The following RGS17 variants were observed in gnomAD, a reference collection of about 807,000 sequenced individuals.
RGS17 encodes regulator of G protein signaling 17.
A neutral mutation model predicts 25.5 loss-of-function variants in RGS17; 12 were observed. The observed-to-expected ratio is 0.47, with a 90% CI of 0.30 to 0.76. The LOEUF is 0.76. Ranked by LOEUF, RGS17 falls within the 30% of genes least tolerant of loss-of-function variation. The probability of loss-of-function intolerance (pLI) is 0.07; values close to 1 mark genes in which losing one functional copy is unlikely to be tolerated. For missense variants in RGS17, 196 were observed against 242.2 expected (o/e 0.81, Z 1.27); for synonymous variants, 71 against 76.9 (o/e 0.92, Z 0.40).
intron 1 of RGS17, among the ~76,000 whole-genome samples, chr6:153,098,705 T>C (rs1193144354): frequency 1.3e-5 from 2 of 152,170 alleles, no homozygotes; most frequent in Admixed American, 6.5e-5. Flanking sequence ...GGGTGGCAAC[T>C]CTGTTTTAAA....
intron 1 of RGS17, among the ~76,000 whole-genome samples, chr6:153,100,828 C>T (rs1490423953): frequency 6.6e-6 from 1 of 152,202 alleles, no homozygotes; most frequent in East Asian, 1.9e-4. Flanking sequence ...TTGTGCCAAT[C>T]TCCAAGTTTT....
chr6:153,110,204 A>G (rs1777446564), intron 1 of RGS17, among the ~76,000 whole-genome samples: 1 of 152,104 alleles, frequency 6.6e-6, no homozygotes, highest in African/African-American at 2.4e-5. Context: ...AGTTTCCTCT[A>G]GTTACTCTTC....
chr6:153,067,692 C>A (rs1239769458), intron 1 of RGS17, among the ~76,000 whole-genome samples: 1 of 152,084 alleles, frequency 6.6e-6, no homozygotes, highest in African/African-American at 2.4e-5. Flanking sequence ...ATTTCTTGTC[C>A]ATGGATTGGA....
At chr6:153,082,240 T>A (rs759440266) in intron 1 of RGS17, among the ~76,000 whole-genome samples, 5 of 152,204 alleles carry the variant, frequency 3.3e-5, no homozygotes, top group Non-Finnish European at 7.4e-5. Context: ...TCTTTGGAAC[T>A]GTGACTTTAC....
intron 1 of RGS17, among the ~76,000 whole-genome samples, chr6:153,057,742 C>T (rs1776580092): frequency 6.6e-6 from 1 of 152,140 alleles, no homozygotes; most frequent in Admixed American, 6.6e-5. Flanking sequence ...AGCTTGTTTT[C>T]CTGCAACTAG....
intron 1 of RGS17, among the ~76,000 whole-genome samples, chr6:153,070,150 G>A (rs1342776387): frequency 6.6e-6 from 1 of 152,074 alleles, no homozygotes; most frequent in African/African-American, 2.4e-5. Flanking sequence ...CCCTGACACA[G>A]CTATTCCCAA....
chr6:153,014,797 CAAAAA>C (rs34132794), intron 4 of RGS17, among the ~76,000 whole-genome samples: 1 of 97,162 alleles, frequency 1.0e-5, no homozygotes. Flanking sequence ...GACTCCGTCT[CAAAAA>C]AAAAAAAAAA....
chr6:153,048,772 C>A (rs927212875), intron 1 of RGS17, among the ~76,000 whole-genome samples: 1 of 152,190 alleles, frequency 6.6e-6, no homozygotes, highest in African/African-American at 2.4e-5. Flanking sequence ...AATGAACTCC[C>A]TCACCTCATC....
intron 1 of RGS17, among the ~76,000 whole-genome samples, chr6:153,126,317 G>A (rs1418456074): frequency 6.6e-6 from 1 of 152,182 alleles, no homozygotes; most frequent in South Asian, 2.1e-4. Flanking sequence ...CTCATAGTAA[G>A]GTGTTTGTGA....
intron 2 of RGS17, among the ~76,000 whole-genome samples, chr6:153,036,929 C>A (rs945382946): frequency 1.4e-4 from 22 of 152,114 alleles, no homozygotes; most frequent in Admixed American, 3.9e-4. Flanking sequence ...CAGGAGAATA[C>A]TTAAAATATA....
intron 1 of RGS17, among the ~76,000 whole-genome samples, chr6:153,077,885 T>A (rs1032720002): frequency 1.3e-5 from 2 of 152,036 alleles, no homozygotes; most frequent in Admixed American, 6.6e-5. Context: ...TTTTATTTTT[T>A]TTTTTTGAGA....
chr6:153,063,195 T>C (rs1489641885), intron 1 of RGS17, among the ~76,000 whole-genome samples: 1 of 152,116 alleles, frequency 6.6e-6, no homozygotes, highest in Non-Finnish European at 1.5e-5. Flanking sequence ...ACACTGTTGA[T>C]AGTTGTAGGA....
At chr6:153,099,262 G>A (rs768274075) in intron 1 of RGS17, among the ~76,000 whole-genome samples, 6 of 152,182 alleles carry the variant, frequency 3.9e-5, no homozygotes, top group Non-Finnish European at 7.3e-5. Flanking sequence ...CCTAGCAAGA[G>A]AGAAAAGCAA....
intron 1 of RGS17, among the ~76,000 whole-genome samples, chr6:153,069,171 C>A (rs1776748878): frequency 6.6e-6 from 1 of 152,144 alleles, no homozygotes; most frequent in Non-Finnish European, 1.5e-5. Flanking sequence ...TGTTGTGGCA[C>A]TGTTTACAAT....
intron 4 of RGS17, among the ~76,000 whole-genome samples, chr6:153,020,120 A>ATATATATATATT (rs1779228502): frequency 1.2e-5 from 1 of 86,850 alleles, no homozygotes; most frequent in African/African-American, 4.9e-5. Flanking sequence ...AAATATATAT[A>ATATATATATATT]TATATATATA....
chr6:153,080,068 G>A (rs1416640682), intron 1 of RGS17, among the ~76,000 whole-genome samples: 2 of 152,068 alleles, frequency 1.3e-5, no homozygotes, highest in South Asian at 2.1e-4. Context: ...TGCAACCTCC[G>A]CCTTCTGGGT....
intron 2 of RGS17, among the ~76,000 whole-genome samples, chr6:153,032,457 A>G (rs1465858642): frequency 1.3e-5 from 2 of 152,162 alleles, no homozygotes; most frequent in African/African-American, 4.8e-5. Flanking sequence ...TAAAATAATC[A>G]GCTATCAAAT....
chr6:153,072,567 TG>T (rs1432362179), intron 1 of RGS17, among the ~76,000 whole-genome samples: 2 of 152,212 alleles, frequency 1.3e-5, no homozygotes, highest in Non-Finnish European at 2.9e-5. Context: ...AATTTAAGAC[TG>T]GTATCTCCAG....
At chr6:153,127,249 T>C (rs1192380331) in intron 1 of RGS17, among the ~76,000 whole-genome samples, 1 of 152,196 alleles carries the variant, frequency 6.6e-6, no homozygotes, top group Middle Eastern at 3.2e-3. Context: ...CAACAAGTCA[T>C]GGGCTGGTAC....
Sources: allele counts gnomAD v4.1 joint callset (sites outside exome capture counted in the v4.1 genomes callset), GRCh38; gene constraint gnomAD v4.1.1; transcripts MANE v1.5; gene names NCBI Gene and HGNC (gene_info 2026-07-23, HGNC 2026-07-21).